SLC25A12: variants seen among roughly 807,000 people sequenced by gnomAD.
SLC25A12 encodes solute carrier family 25 member 12.
Under a neutral mutation model 83.3 loss-of-function variants are expected in SLC25A12, and 32 were observed. The ratio of observed to expected loss-of-function variants is 0.38; its 90% CI spans 0.29 to 0.52. SLC25A12 has a LOEUF of 0.52. Among genes scored for constraint, SLC25A12 ranks in the 20% least tolerant of loss-of-function variants. The pLI, the probability that SLC25A12 is intolerant of heterozygous loss-of-function variation, is 0.84. For missense variants in SLC25A12, 611 were observed against 835.6 expected, an observed-to-expected ratio of 0.73 and a Z score of 3.31; for synonymous variants, 267 against 291.1, an observed-to-expected ratio of 0.92 and a Z score of 0.84.
chr2:171,812,799 C>CT (rs5836353), intron 11 of SLC25A12, among the ~76,000 whole-genome samples: 66,236 of 143,034 alleles, frequency 0.46, 16,923 homozygotes, highest in East Asian at 0.7. Context: ...AAGGGTTTTC[C>CT]TTTTTTTTTT....
At chr2:171,850,207 C>T (rs1558930764) in intron 4 of SLC25A12, among the ~76,000 whole-genome samples, 1 of 151,440 alleles carries the variant, frequency 6.6e-6, no homozygotes, top group Non-Finnish European at 1.5e-5. Context: ...CCTCTGCCTC[C>T]CAGATTCAAG....
intron 2 of SLC25A12, among the ~76,000 whole-genome samples, chr2:171,889,212 T>C (rs550980348): frequency 5.5e-4 from 84 of 152,270 alleles, no homozygotes; most frequent in African/African-American, 1.9e-3. Context: ...CAACTTTAAC[T>C]TAGTGAGATA....
At chr2:171,837,293 T>G in intron 5 of SLC25A12, 26 bp from the exon 6 acceptor site, 1 of 1,613,388 alleles carries the variant, frequency 6.2e-7, no homozygotes, top group South Asian at 1.1e-5. Context: ...AAATAGGGCA[T>G]TAAGCTGGTT....
intron 13 of SLC25A12, among the ~76,000 whole-genome samples, chr2:171,808,199 G>GGTCCAAAGCCAAT (rs113308418): frequency 0.26 from 38,361 of 149,532 alleles, 4,520 homozygotes; most frequent in African/African-American, 0.29. Flanking sequence ...TTTAAGAATT[G>GGTCCAAAGCCAAT]GTCATGCTTA....
intron 15 of SLC25A12, among the ~76,000 whole-genome samples, chr2:171,790,923 A>T (rs1301247426): frequency 1.3e-5 from 2 of 152,252 alleles, no homozygotes. Flanking sequence ...ATTGAGTTCA[A>T]GGTGGTTTGC....
intron 9 of SLC25A12, among the ~76,000 whole-genome samples, chr2:171,818,805 C>G (rs961132957): frequency 1.4e-4 from 21 of 151,822 alleles, no homozygotes; most frequent in Non-Finnish European, 2.5e-4. Context: ...ATAGGGAGAA[C>G]TACCTCTTTC....
At chr2:171,835,707 TTATGTAAA>T (rs1215412374) in intron 6 of SLC25A12, among the ~76,000 whole-genome samples, 1 of 152,232 alleles carries the variant, frequency 6.6e-6, no homozygotes, top group African/African-American at 2.4e-5. Context: ...AAAGAAATGC[TTATGTAAA>T]TATCAATGTA....
In SLC25A12 at chr2:171,868,713, G is replaced by A. The variant is rs758404735; in HGVS notation, c.177C>T (p.Leu59=). ...DPNSNPKIVQ[L]LAGVADQTKD... ...TGGTTTGATCAGCTACTCCTGCCAA[G>A]AGCTGCACGATCTTTGGGTTACTAT... is the stretch of plus-strand genomic sequence containing the variant. The change falls in exon 3 of 18, where the codon CTC becomes CTT. Residue 59 remains leucine, a synonymous_variant. Coordinates refer to ENST00000422440, the MANE Select transcript of SLC25A12 (RefSeq NM_003705.5). 2 of 1,613,868 alleles carry A rather than the reference G, an allele frequency of 1.2e-6. No homozygotes were observed. Among genetic ancestry groups the A allele is most frequent in the South Asian group, 1.1e-5 (1 of 91,080 alleles).
At chr2:171,880,726 G>A (rs913334036) in intron 2 of SLC25A12, among the ~76,000 whole-genome samples, 5 of 152,002 alleles carry the variant, frequency 3.3e-5, no homozygotes, top group African/African-American at 1.2e-4. Context: ...TCTCCCTCTA[G>A]TCATCCATGG....
intron 2 of SLC25A12, among the ~76,000 whole-genome samples, chr2:171,888,242 G>C (rs1220679603): frequency 2.0e-5 from 3 of 151,354 alleles, no homozygotes; most frequent in African/African-American, 7.3e-5. Context: ...CCACAGGCAT[G>C]TACCACCGCA....
At chr2:171,789,291 C>G (rs1461381129) in intron 15 of SLC25A12, among the ~76,000 whole-genome samples, 1 of 152,090 alleles carries the variant, frequency 6.6e-6, no homozygotes, top group African/African-American at 2.4e-5. Flanking sequence ...TGCAGTGGCA[C>G]AATCTCGGCT....
chr2:171,806,592 T>C (rs1480936805), intron 13 of SLC25A12, among the ~76,000 whole-genome samples: 1 of 152,206 alleles, frequency 6.6e-6, no homozygotes, highest in Non-Finnish European at 1.5e-5. Context: ...CCATTTTTCC[T>C]AAAAGGGAAT....
chr2:171,887,730 G>T (rs1340306965), intron 2 of SLC25A12, among the ~76,000 whole-genome samples: 3 of 152,204 alleles, frequency 2.0e-5, no homozygotes, highest in African/African-American at 4.8e-5. Context: ...AATGACAGTT[G>T]TAAGGGTGGT....
chr2:171,823,680 T>C (rs1558920196), intron 9 of SLC25A12, among the ~76,000 whole-genome samples: 1 of 152,124 alleles, frequency 6.6e-6, no homozygotes, highest in Non-Finnish European at 1.5e-5. Flanking sequence ...TTTAGCTGAG[T>C]GCAGTGGCTC....
At position 171,787,852 on chromosome 2, in the gene SLC25A12, T is replaced by C. The variant is rs1203070682; in HGVS notation, c.1681A>G (p.Ile561Val). 2 of 1,614,070 alleles carry C rather than the reference T, an allele frequency of 1.2e-6. No individual in the cohort carries two copies. Among genetic ancestry groups the C allele is most frequent in the African/African-American group, 2.7e-5 (2 of 74,938 alleles). ...CGGAGAATCTTCCTGAAACAGTCGATGACACCACTGTATGTCGTCTGGCCA... is the reference window on the plus strand; with the variant it reads ...CGGAGAATCTTCCTGAAACAGTCGACGACACCACTGTATGTCGTCTGGCCA... ...RAGQTTYSGV[I>V]DCFRKILREE... The change falls in exon 16 of 18, where the codon ATC becomes GTC. Residue 561 changes from isoleucine (I) to valine (V), a missense_variant. Coordinates refer to ENST00000422440, the MANE Select transcript of SLC25A12 (RefSeq NM_003705.5).
chr2:171,807,345 G>C (rs1010476631), intron 13 of SLC25A12, among the ~76,000 whole-genome samples: 1 of 152,120 alleles, frequency 6.6e-6, no homozygotes, highest in Non-Finnish European at 1.5e-5. Flanking sequence ...AACCCTCAAG[G>C]CAACCCAGAC....
At chr2:171,892,031 T>C (rs1368659344) in intron 2 of SLC25A12, among the ~76,000 whole-genome samples, 3 of 152,196 alleles carry the variant, frequency 2.0e-5, no homozygotes, top group South Asian at 2.1e-4. Context: ...GTTCCTAAAA[T>C]AGACTCATAG....
chr2:171,798,286 G>A (rs574179763), intron 13 of SLC25A12, among the ~76,000 whole-genome samples: 54 of 152,290 alleles, frequency 3.5e-4, no homozygotes, highest in Non-Finnish European at 4.7e-4. Context: ...GCCAAAGGCC[G>A]AGGGGCTGTA....
rs188204498 is a variant in SLC25A12, at chr2:171,800,780, A to G, written c.1306-7013T>C. 1.6e-4 allele frequency among the ~76,000 whole-genome samples: 24 copies of G among 152,372 alleles called. No homozygotes were observed. In the East Asian group the frequency reaches 4.4e-3, roughly 28 times the overall value. On this transcript the variant is annotated intron_variant, in intron 13 of 17. Coordinates refer to ENST00000422440, the MANE Select transcript of SLC25A12 (RefSeq NM_003705.5). ...GATGAAATACTACTCAGCAAAATTT[A>G]AAACAAACACAAACCTGATACCCAC...
Sources: allele counts gnomAD v4.1 joint callset (sites outside exome capture counted in the v4.1 genomes callset), GRCh38; gene constraint gnomAD v4.1.1; transcripts MANE v1.5; gene names NCBI Gene and HGNC (gene_info 2026-07-23, HGNC 2026-07-21).